The following TRIB2 variants were observed in gnomAD, a reference collection of about 807,000 sequenced individuals.
The protein encoded by TRIB2 is tribbles homolog 2.
A neutral mutation model predicts 26.8 loss-of-function variants in TRIB2; 2 were observed. That is an observed-to-expected ratio of 0.07 (90% CI 0.03 to 0.24). The LOEUF (loss-of-function observed/expected upper bound fraction) is 0.24, where lower values mean the gene tolerates loss of function less well. TRIB2 is among the 10% of genes least tolerant of loss of function. The probability of loss-of-function intolerance (pLI) is 1.00; values close to 1 mark genes in which losing one functional copy is unlikely to be tolerated. For synonymous variants in TRIB2, 189 were observed against 187.3 expected, an observed-to-expected ratio of 1.01 and a Z score of -0.08; for missense variants, 306 against 449.0, an observed-to-expected ratio of 0.68 and a Z score of 2.88.
At chr2:12,734,602 A>C (rs1419608705) in intron 2 of TRIB2, among the ~76,000 whole-genome samples, 3 of 152,142 alleles carry the variant, frequency 2.0e-5, no homozygotes, top group African/African-American at 7.2e-5. Context: ...AGTTTTTTGC[A>C]GATCTACCAT....
Position 12,740,431 on chromosome 2 carries a change from C to T in TRIB2, c.669C>T (p.Ile223=). ...HGCPAYVSPE[I]LNTSGSYSGK... is the part of the protein sequence containing the mutation. ...GCCCGGCTTACGTAAGCCCAGAGAT[C>T]TTGAACACCAGTGGCAGCTACTCGG... Residue 223 remains isoleucine (I), a synonymous_variant, in exon 3 of 3, where the codon ATC becomes ATT. Coordinates refer to ENST00000155926, the MANE Select transcript of TRIB2 (RefSeq NM_021643.4). The surrounding 1 kb of genome is among the most constrained non-coding windows in gnomAD (Gnocchi z 5.8). The T allele has an allele frequency of 1.2e-6, 2 of 1,614,152 alleles. No homozygotes were observed. The highest frequency in any genetic ancestry group is 1.7e-6 in the Non-Finnish European group (2 of 1,180,022).
At chr2:12,737,652 A>T (rs907669436) in intron 2 of TRIB2, among the ~76,000 whole-genome samples, 1 of 152,254 alleles carries the variant, frequency 6.6e-6, no homozygotes, top group Non-Finnish European at 1.5e-5. Context: ...TGTATTCTAT[A>T]GATTATAATA....
In TRIB2 at chr2:12,718,125, C is replaced by G; in HGVS notation, c.-183C>G. ...CCCCGGGAGCCGGGCTCGGAGCAGA[C>G]GAGGTATCCGGCGGCGCCCATTTGG... On this transcript the variant is annotated 5_prime_UTR_variant, in exon 1 of 3. Coordinates refer to ENST00000155926, the MANE Select transcript of TRIB2 (RefSeq NM_021643.4). The surrounding 1 kb of genome is among the most constrained non-coding windows in gnomAD (Gnocchi z 4.0). The G allele has an allele frequency of 1.2e-6, 1 of 821,430 alleles. No homozygotes were observed. The highest frequency in any genetic ancestry group is 1.8e-6 in the Non-Finnish European group (1 of 544,148). 50.9% of individuals were successfully genotyped at this position (821,430 alleles called of 1,614,324 possible).
intron 2 of TRIB2, among the ~76,000 whole-genome samples, chr2:12,731,795 CTG>C (rs1661465451): frequency 6.6e-6 from 1 of 152,198 alleles, no homozygotes; most frequent in East Asian, 1.9e-4. Flanking sequence ...TCCCTGAACT[CTG>C]TGAACTCCCA....
rs145340351 is a variant in TRIB2, at chr2:12,720,229, T to G, written c.270+1652T>G. On this transcript the variant is annotated intron_variant, in intron 1 of 2. Coordinates refer to ENST00000155926, the MANE Select transcript of TRIB2 (RefSeq NM_021643.4). ...TTTCTCCAGATTTTGCAAGACATAT[T>G]TCACTTTGGGCTGACCTTACAGTGT... Among the ~76,000 whole-genome samples, 623 of 152,336 alleles carry G rather than the reference T, an allele frequency of 4.1e-3. 3 individuals are homozygous for G. The highest frequency in any genetic ancestry group is 6.2e-3 in the Non-Finnish European group (420 of 68,026).
At chr2:12,734,217 A>G (rs1374058265) in intron 2 of TRIB2, among the ~76,000 whole-genome samples, 5 of 152,298 alleles carry the variant, frequency 3.3e-5, no homozygotes, top group Non-Finnish European at 7.4e-5. Context: ...GTTACTGGAG[A>G]TAACCATTGT....
intron 2 of TRIB2, among the ~76,000 whole-genome samples, chr2:12,739,925 C>G (rs1477349769): frequency 6.6e-6 from 1 of 152,162 alleles, no homozygotes; most frequent in Non-Finnish European, 1.5e-5. Flanking sequence ...TGTGGGCTTC[C>G]TGGTTGGTTA....
At chr2:12,729,154 A>G (rs1190525845) in intron 2 of TRIB2, among the ~76,000 whole-genome samples, 1 of 152,280 alleles carries the variant, frequency 6.6e-6, no homozygotes, top group East Asian at 1.9e-4. Flanking sequence ...CCTGTTCCCC[A>G]GGGTGGATCA....
chr2:12,731,842 A>AC (rs1399607975), intron 2 of TRIB2, among the ~76,000 whole-genome samples: 2 of 152,142 alleles, frequency 1.3e-5, no homozygotes, highest in Admixed American at 1.3e-4. Flanking sequence ...AAAATTCTGG[A>AC]CCCCGAAGCA....
At chr2:12,729,620 G>T (rs1278468667) in intron 2 of TRIB2, among the ~76,000 whole-genome samples, 2 of 152,226 alleles carry the variant, frequency 1.3e-5, no homozygotes, top group African/African-American at 4.8e-5. Flanking sequence ...ATGGCAGGCT[G>T]TAATTTTATT....
chr2:12,725,197 T>C (rs143069391), intron 2 of TRIB2, among the ~76,000 whole-genome samples: 5 of 152,344 alleles, frequency 3.3e-5, no homozygotes, highest in South Asian at 4.1e-4. Flanking sequence ...TGTTTTTAAG[T>C]GTCGTCTTTG....
chr2:12,731,161 G>A (rs148421975), intron 2 of TRIB2, among the ~76,000 whole-genome samples: 113 of 152,328 alleles, frequency 7.4e-4, no homozygotes, highest in African/African-American at 2.4e-3. Context: ...GTGGAGTACG[G>A]TGTGGAGAAT....
Position 12,742,524 on chromosome 2 carries a change from G to GT in TRIB2, c.*1744dup, listed in dbSNP as rs397868690. On this transcript the variant is annotated 3_prime_UTR_variant, in exon 3 of 3. Transcript: ENST00000155926. ...TAATGGAAGATAGAAAGGAGAGAAG[G>GT]TTTTTTTTTTTTTTAACATTCTGAA... 0.14 allele frequency: 20,928 copies of GT among 145,164 alleles called. 1,547 individuals carry two copies. Among genetic ancestry groups the GT allele is most frequent in the African/African-American group, 0.2 (8,115 of 39,644 alleles). 9.0% of individuals were successfully genotyped at this position (145,164 alleles called of 1,614,324 possible). A position where few individuals can be genotyped will look rare whatever the true frequency, so the allele number is the denominator to read the frequency against.
At chr2:12,724,738 A>T in intron 2 of TRIB2, 1 of 1,612,754 alleles carries the variant, frequency 6.2e-7, no homozygotes, top group Non-Finnish European at 8.5e-7. Context: ...TACCAGCCTC[A>T]TATTTCTCCT....
At chr2:12,738,990 T>C (rs1558320723) in intron 2 of TRIB2, among the ~76,000 whole-genome samples, 1 of 152,196 alleles carries the variant, frequency 6.6e-6, no homozygotes, top group Non-Finnish European at 1.5e-5. Context: ...TGGAGAGTCC[T>C]ACTTTCCTGT....
At position 12,717,221 on chromosome 2, in the gene TRIB2, G is replaced by T. The variant is rs904556782; in HGVS notation, c.-1087G>T. On this transcript the variant is annotated 5_prime_UTR_variant, in exon 1 of 3. Transcript: ENST00000155926. This position sits in a 1 kb window ranked among gnomAD's most constrained non-coding sequence, Gnocchi z 4.8. Reference sequence around the variant, plus strand: ...ACCGGGCAATTTGGTCTCGGGGTAGGGGGAGACGGGGTGATTGCAAATTAT... The same window carrying T: ...ACCGGGCAATTTGGTCTCGGGGTAGTGGGAGACGGGGTGATTGCAAATTAT... 1.0e-5 allele frequency: 4 copies of T among 397,052 alleles called. No homozygotes were observed. The East Asian group carries it at 1.4e-4, about 14-fold the overall frequency. The allele number at this position is 397,052 out of a possible 1,614,324, so 24.6% of individuals were successfully genotyped here.
At chr2:12,733,330 C>T (rs955287303) in intron 2 of TRIB2, among the ~76,000 whole-genome samples, 1 of 152,176 alleles carries the variant, frequency 6.6e-6, no homozygotes, top group African/African-American at 2.4e-5. Flanking sequence ...ATAAACTGCA[C>T]CAGATTTGCC....
intron 2 of TRIB2, among the ~76,000 whole-genome samples, chr2:12,733,549 A>G (rs1475011907): frequency 6.6e-6 from 1 of 152,180 alleles, no homozygotes; most frequent in East Asian, 1.9e-4. Context: ...GGTAGCATGC[A>G]TATATCATAC....
chr2:12,737,191 C>T (rs977148353), intron 2 of TRIB2, among the ~76,000 whole-genome samples: 1 of 152,216 alleles, frequency 6.6e-6, no homozygotes, highest in Non-Finnish European at 1.5e-5. Flanking sequence ...CGAACCTGGG[C>T]AAAACCTGGG....
Sources: allele counts gnomAD v4.1 joint callset (sites outside exome capture counted in the v4.1 genomes callset), GRCh38; gene constraint gnomAD v4.1.1; non-coding constraint Gnocchi (gnomAD v3.1); transcripts MANE v1.5; gene names NCBI Gene and HGNC (gene_info 2026-07-23, HGNC 2026-07-21).